The following LMNB1 variants were observed in gnomAD, a reference collection of about 807,000 sequenced individuals.
The protein encoded by LMNB1 is lamin-B1.
In LMNB1, 23 loss-of-function variants were observed where a neutral mutation model predicts 67.1. That is an observed-to-expected ratio of 0.34 (90% CI 0.25 to 0.49). The LOEUF (loss-of-function observed/expected upper bound fraction) is 0.49, where lower values mean the gene tolerates loss of function less well. LMNB1 is among the 20% of genes least tolerant of loss of function. LMNB1 has a pLI of 0.99. For synonymous variants in LMNB1, 281 were observed against 282.9 expected, an observed-to-expected ratio of 0.99 and a Z score of 0.07; for missense variants, 634 against 746.5, an observed-to-expected ratio of 0.85 and a Z score of 1.76.
At chr5:126,798,938 T>G (rs1045624054) in intron 1 of LMNB1, among the ~76,000 whole-genome samples, 2 of 152,128 alleles carry the variant, frequency 1.3e-5, no homozygotes, top group Admixed American at 1.3e-4. Context: ...GTATGATCAA[T>G]GCACTGTAAG....
chr5:126,806,188 C>T (rs1030662085), intron 3 of LMNB1, among the ~76,000 whole-genome samples: 5 of 152,184 alleles, frequency 3.3e-5, no homozygotes, highest in African/African-American at 4.8e-5. Context: ...CTCCTGACCT[C>T]GTGATCCGCC....
chr5:126,801,672 C>T (rs1318817082), intron 1 of LMNB1, among the ~76,000 whole-genome samples: 1 of 152,138 alleles, frequency 6.6e-6, no homozygotes, highest in Non-Finnish European at 1.5e-5. Context: ...TAAAATATGC[C>T]GATTTTACAG....
rs536546508 is a variant in LMNB1 at position 126,802,513 on chromosome 5, G to A, written c.360-2263G>A. Among the ~76,000 whole-genome samples the A allele has an allele frequency of 1.3e-4, 20 of 152,074 alleles. No individual in the cohort carries two copies. In the East Asian group the frequency reaches 3.5e-3, roughly 26 times the overall value. The stretch of plus-strand genomic sequence containing the variant: ...GGCTGGAGTGCAGTGGTATGATCTC[G>A]GCTCACTGCAACCTCTACCTCCCGG... On this transcript the variant is annotated intron_variant, in intron 1 of 10. Coordinates refer to ENST00000261366, the MANE Select transcript of LMNB1 (RefSeq NM_005573.4).
Position 126,777,559 on chromosome 5 carries a change from C to T in LMNB1, c.51C>T (p.Gly17=). 1 of 1,460,092 alleles carries T rather than the reference C, an allele frequency of 6.8e-7. No individual in the cohort carries two copies. The highest frequency in any genetic ancestry group is 9.1e-7 in the Non-Finnish European group (1 of 1,101,972). 90.4% of individuals were successfully genotyped at this position (1,460,092 alleles called of 1,614,324 possible). A position where few individuals can be genotyped will look rare whatever the true frequency, so the allele number is the denominator to read the frequency against. ...CGCGGATGGGCAGCCGCGCTGGCGG[C>T]CCCACCACGCCGCTGAGCCCCACGC... The part of the protein sequence containing the change: ...VPPRMGSRAG[G]PTTPLSPTRL... The change falls in exon 1 of 11, where the codon GGC becomes GGT. Residue 17 remains glycine (G), a synonymous_variant. Coordinates refer to ENST00000261366, the MANE Select transcript of LMNB1 (RefSeq NM_005573.4).
chr5:126,808,169 G>T (rs1472136092), intron 3 of LMNB1, among the ~76,000 whole-genome samples: 1 of 143,630 alleles, frequency 7.0e-6, no homozygotes, highest in Non-Finnish European at 1.5e-5. Flanking sequence ...ACCGCACCTG[G>T]CCTTTTTTAC....
At chr5:126,808,414 C>A (rs868728475) in intron 3 of LMNB1, among the ~76,000 whole-genome samples, 1 of 151,652 alleles carries the variant, frequency 6.6e-6, no homozygotes, top group South Asian at 2.1e-4. Context: ...GTCTAAAACT[C>A]CTGGCCTCAG....
intron 1 of LMNB1, among the ~76,000 whole-genome samples, chr5:126,786,892 C>A (rs928122042): frequency 6.6e-6 from 1 of 152,162 alleles, no homozygotes; most frequent in Non-Finnish European, 1.5e-5. Flanking sequence ...TGAAAGAGAT[C>A]GCTTTTATCT....
At chr5:126,809,230 T>C (rs1441923375) in intron 3 of LMNB1, among the ~76,000 whole-genome samples, 5 of 152,258 alleles carry the variant, frequency 3.3e-5, no homozygotes, top group African/African-American at 4.8e-5. Flanking sequence ...GAAAGGATCA[T>C]GACAACTACT....
At chr5:126,798,761 A>AAG (rs1554113585) in intron 1 of LMNB1, among the ~76,000 whole-genome samples, 3 of 84,698 alleles carry the variant, frequency 3.5e-5, no homozygotes, top group African/African-American at 1.0e-4. Flanking sequence ...GAAAAAAGAG[A>AAG]AGTGTGTGTG....
At chr5:126,801,241 G>A (rs547017839) in intron 1 of LMNB1, among the ~76,000 whole-genome samples, 8 of 151,678 alleles carry the variant, frequency 5.3e-5, no homozygotes, top group Non-Finnish European at 7.4e-5. Flanking sequence ...GTGAGCCACC[G>A]CACTTGGCCA....
At position 126,836,835 on chromosome 5, in the gene LMNB1, C is replaced by CT; in HGVS notation, c.*571_*572insT. 1 of 177,014 alleles carries CT rather than the reference C, an allele frequency of 5.6e-6. No homozygotes were observed. The highest frequency in any genetic ancestry group is 1.1e-5 in the Non-Finnish European group (1 of 93,878). 11.0% of individuals were successfully genotyped at this position (177,014 alleles called of 1,614,324 possible). On this transcript the variant is annotated 3_prime_UTR_variant, in exon 11 of 11. Coordinates refer to ENST00000261366, the MANE Select transcript of LMNB1 (RefSeq NM_005573.4). ...TGTAAGCACTCTGGATGATGGATTC[C>CT]ACAAAACTTGGTTTTATGGTTACTT... is the stretch of plus-strand genomic sequence containing the variant.
At chr5:126,798,224 G>C (rs1323082204) in intron 1 of LMNB1, among the ~76,000 whole-genome samples, 1 of 151,972 alleles carries the variant, frequency 6.6e-6, no homozygotes, top group Non-Finnish European at 1.5e-5. Flanking sequence ...AGGCCAAGGC[G>C]GTTGGATCAC....
At chr5:126,795,837 A>C (rs151236399) in intron 1 of LMNB1, among the ~76,000 whole-genome samples, 245 of 151,098 alleles carry the variant, frequency 1.6e-3, no homozygotes, top group African/African-American at 5.9e-3. Flanking sequence ...ATGTTGGATC[A>C]GGCTGGTCTC....
chr5:126,808,034 G>C (rs763832886), intron 3 of LMNB1, among the ~76,000 whole-genome samples: 2 of 151,910 alleles, frequency 1.3e-5, no homozygotes, highest in Non-Finnish European at 2.9e-5. Flanking sequence ...ACCATGCCCG[G>C]CTAAGTTTTG....
chr5:126,800,926 A>G (rs1235137237), intron 1 of LMNB1, among the ~76,000 whole-genome samples: 6 of 131,194 alleles, frequency 4.6e-5, no homozygotes, highest in African/African-American at 1.7e-4. Context: ...TGCTGGGATT[A>G]CAAGTGTGAG....
At chr5:126,778,943 T>C (rs532155466) in intron 1 of LMNB1, among the ~76,000 whole-genome samples, 248 of 152,328 alleles carry the variant, frequency 1.6e-3, no homozygotes, top group African/African-American at 5.9e-3. Flanking sequence ...ATTTTGACTT[T>C]CTGATAAGCA....
chr5:126,811,190 G>T (rs577650332), intron 4 of LMNB1, among the ~76,000 whole-genome samples: 1 of 152,236 alleles, frequency 6.6e-6, no homozygotes, highest in African/African-American at 2.4e-5. Context: ...AGGAGCTAAA[G>T]TAAGGATCCG....
intron 1 of LMNB1, among the ~76,000 whole-genome samples, chr5:126,800,412 G>T (rs1472825150): frequency 6.6e-6 from 1 of 152,002 alleles, no homozygotes. Context: ...AATGGCAGTT[G>T]GTTAGGAATT....
intron 1 of LMNB1, among the ~76,000 whole-genome samples, chr5:126,787,470 G>A (rs1442788272): frequency 7.1e-6 from 1 of 140,412 alleles, no homozygotes; most frequent in East Asian, 2.0e-4. Flanking sequence ...TATACTTTAT[G>A]TATATGTTAC....
Sources: allele counts gnomAD v4.1 joint callset (sites outside exome capture counted in the v4.1 genomes callset), GRCh38; gene constraint gnomAD v4.1.1; transcripts MANE v1.5; gene names NCBI Gene and HGNC (gene_info 2026-07-23, HGNC 2026-07-21).